Variants in SLC27A1 observed in about 807,000 individuals in gnomAD.
The protein encoded by SLC27A1 is solute carrier family 27 member 1, also known as long-chain fatty acid transport protein 1.
In SLC27A1, 61 loss-of-function variants were observed where a neutral mutation model predicts 62.2. That is an observed-to-expected ratio of 0.98 (90% CI 0.80 to 1.21). SLC27A1 has a LOEUF of 1.21. SLC27A1 is among the 50% of genes most tolerant of loss of function. SLC27A1 has a pLI of 0.00. For missense variants in SLC27A1, 903 were observed against 932.1 expected (o/e 0.97, Z 0.41); for synonymous variants, 435 against 408.6 (o/e 1.06, Z -0.78).
At chr19:17,492,704 G>A (rs1318450992) in intron 6 of SLC27A1, among the ~76,000 whole-genome samples, 1 of 151,778 alleles carries the variant, frequency 6.6e-6, no homozygotes, top group Non-Finnish European at 1.5e-5. Flanking sequence ...TTGGGAGGCC[G>A]AGGCGGGTGG....
chr19:17,504,523 CTCT>C lies in SLC27A1; in HGVS notation c.1858_1860del (p.Phe620del). 6.2e-7 allele frequency: 1 copy of C among 1,614,212 alleles called. No individual in the cohort carries two copies. The highest frequency in any genetic ancestry group is 1.3e-5 in the African/African-American group (1 of 75,072). On this transcript the variant is annotated inframe_deletion, in exon 12 of 12. Coordinates refer to ENST00000252595, the MANE Select transcript of SLC27A1 (RefSeq NM_198580.3). ...TGACCCACGCCAGACCTCAGACCGG[CTCT>C]TCTTCCTGGACCTGAAGCAGGGCCA...
Position 17,505,912 on chromosome 19 carries a change from G to A in SLC27A1, c.*1300G>A, listed in dbSNP as rs952481189. The A allele has an allele frequency of 6.6e-6, 1 of 152,316 alleles. No homozygotes were observed. The highest frequency in any genetic ancestry group is 2.1e-4 in the South Asian group (1 of 4,838). The allele number at this position is 152,316 out of a possible 1,614,324, so 9.4% of individuals were successfully genotyped here. A position where few individuals can be genotyped will look rare whatever the true frequency, so the allele number is the denominator to read the frequency against. ...ATGGCTCTGACACCGTGTTGGTGGC[G>A]ATGTCCCAGACAATCCCACCAGGAC... On this transcript the variant is annotated 3_prime_UTR_variant, in exon 12 of 12. Transcript: ENST00000252595.
intron 6 of SLC27A1, among the ~76,000 whole-genome samples, chr19:17,494,585 C>T (rs569268758): frequency 1.3e-5 from 2 of 152,038 alleles, no homozygotes; most frequent in African/African-American, 2.4e-5. Context: ...CCTTGGCCTC[C>T]GAAAGTGCTG....
At chr19:17,474,930 T>G (rs1203402391) in intron 1 of SLC27A1, among the ~76,000 whole-genome samples, 1 of 151,002 alleles carries the variant, frequency 6.6e-6, no homozygotes, top group Non-Finnish European at 1.5e-5. Context: ...GCGCCCTGTT[T>G]TTTTTTTGAG....
intron 6 of SLC27A1, among the ~76,000 whole-genome samples, chr19:17,492,038 T>C (rs2075299287): frequency 6.6e-6 from 1 of 152,188 alleles, no homozygotes; most frequent in Admixed American, 6.5e-5. Flanking sequence ...GATCATTCCC[T>C]GGGGTGGGAC....
chr19:17,497,435 A>G lies in SLC27A1; in HGVS notation c.1177A>G (p.Asn393Asp). The G allele has an allele frequency of 1.2e-6, 2 of 1,608,256 alleles. No homozygotes were observed. The highest frequency in any genetic ancestry group is 2.2e-5 in the South Asian group (2 of 90,122). ...IGEFYGATEC[N>D]CSIANMDGKV... is the part of the protein sequence containing the mutation. Reference sequence around the variant, plus strand: ...GGAGTTCTACGGCGCCACCGAGTGCAACTGCAGCATTGCCAACATGGACGG... The same window carrying G: ...GGAGTTCTACGGCGCCACCGAGTGCGACTGCAGCATTGCCAACATGGACGG... The change falls in exon 7 of 12, where the codon AAC (asparagine) becomes GAC (aspartate). Residue 393 changes from asparagine to aspartate, a missense_variant. By Grantham distance (23) the Asn-to-Asp change is conservative. Coordinates refer to ENST00000252595, the MANE Select transcript of SLC27A1 (RefSeq NM_198580.3).
intron 7 of SLC27A1, chr19:17,499,193 G>C: frequency 5.0e-6 from 1 of 200,950 alleles, no homozygotes; most frequent in South Asian, 7.3e-5. Flanking sequence ...CGCTAGACTA[G>C]ACTTCCCAGA....
chr19:17,487,365 C>T (rs1177740590), intron 3 of SLC27A1, 30 bp downstream of exon 3: 1 of 1,583,052 alleles, frequency 6.3e-7, no homozygotes, highest in Non-Finnish European at 8.6e-7. Context: ...CCTGCTCTAT[C>T]AACTGGTTTC....
At chr19:17,487,057 G>A in intron 2 of SLC27A1, 100 bp downstream of exon 2, 1 of 1,562,370 alleles carries the variant, frequency 6.4e-7, no homozygotes, top group Non-Finnish European at 8.7e-7. Context: ...CGGCCGCCCT[G>A]GACGTGGGCA....
chr19:17,477,598 G>C (rs2144551509), intron 1 of SLC27A1, among the ~76,000 whole-genome samples: 1 of 150,868 alleles, frequency 6.6e-6, no homozygotes, highest in South Asian at 2.1e-4. Flanking sequence ...CATTGCCCAG[G>C]CTGGAGTGCA....
chr19:17,501,242 G>A (rs539996759), intron 10 of SLC27A1, 31 bp from the exon 11 acceptor site: 25 of 1,607,418 alleles, frequency 1.6e-5, no homozygotes, highest in Middle Eastern at 2.0e-4. Context: ...GATGAGAGGC[G>A]GGGTGTCCTC....
At position 17,500,589 on chromosome 19, in the gene SLC27A1, C is replaced by G; in HGVS notation, c.1428C>G (p.Ile476Met). ...YVSESATSKK[I>M]AHSVFSKGDS... ...GCGAGAGCGCCACCAGCAAGAAGAT[C>G]GCCCACAGCGTCTTCAGCAAGGGCG... is the stretch of plus-strand genomic sequence containing the variant. Residue 476 changes from isoleucine to methionine, a missense_variant, in exon 9 of 12, where the codon ATC (isoleucine) becomes ATG (methionine). By Grantham distance (10) the Ile-to-Met change is conservative. Coordinates refer to ENST00000252595, the MANE Select transcript of SLC27A1 (RefSeq NM_198580.3). 1 of 1,613,684 alleles carries G rather than the reference C, an allele frequency of 6.2e-7. No homozygotes were observed. Among genetic ancestry groups the G allele is most frequent in the Non-Finnish European group, 8.5e-7 (1 of 1,179,950 alleles).
At chr19:17,504,276 A>AG (rs556201170) in intron 11 of SLC27A1, among the ~76,000 whole-genome samples, 179 bp from the exon 12 acceptor site, 2 of 152,046 alleles carry the variant, frequency 1.3e-5, no homozygotes, top group African/African-American at 4.8e-5. Context: ...TCACTGGAGG[A>AG]GGGGGCATGA....
chr19:17,489,434 T>A (rs2075273861), intron 6 of SLC27A1, among the ~76,000 whole-genome samples: 1 of 152,184 alleles, frequency 6.6e-6, no homozygotes, highest in Admixed American at 6.5e-5. Context: ...GTTTCCTGAG[T>A]ACCTGCTCTG....
intron 7 of SLC27A1, 92 bp from the exon 8 acceptor site, chr19:17,500,186 A>G: frequency 6.5e-7 from 1 of 1,532,494 alleles, no homozygotes; most frequent in Non-Finnish European, 8.8e-7. Flanking sequence ...TGGAGGTGCT[A>G]GGTCCAAGCC....
At chr19:17,491,805 T>A (rs1371381992) in intron 6 of SLC27A1, among the ~76,000 whole-genome samples, 1 of 151,488 alleles carries the variant, frequency 6.6e-6, no homozygotes, top group African/African-American at 2.4e-5. Context: ...GCCCAGGAGG[T>A]CAAGGCTGCT....
chr19:17,482,418 C>T (rs1170362698), intron 1 of SLC27A1, among the ~76,000 whole-genome samples: 1 of 151,870 alleles, frequency 6.6e-6, no homozygotes, highest in East Asian at 1.9e-4. Flanking sequence ...TTTGGGAGGC[C>T]GAGGCGGGTG....
At chr19:17,497,177 G>A in intron 6 of SLC27A1, 78 bp from the exon 7 acceptor site, 2 of 1,217,728 alleles carry the variant, frequency 1.6e-6, no homozygotes, top group East Asian at 5.4e-5. Flanking sequence ...GGGTGGGGCG[G>A]TCTCGGGGTC....
At chr19:17,476,460 C>T (rs559670917) in intron 1 of SLC27A1, among the ~76,000 whole-genome samples, 24 of 150,744 alleles carry the variant, frequency 1.6e-4, no homozygotes, top group Admixed American at 9.3e-4. Context: ...ATCGTTTGAA[C>T]CCGGGAGGCA....
Sources: allele counts gnomAD v4.1 joint callset (sites outside exome capture counted in the v4.1 genomes callset), GRCh38; gene constraint gnomAD v4.1.1; transcripts MANE v1.5; gene names NCBI Gene and HGNC (gene_info 2026-07-23, HGNC 2026-07-21).